The following ARHGAP15 variants were observed in gnomAD, a reference collection of about 807,000 sequenced individuals.
ARHGAP15 encodes the protein Rho GTPase activating protein 15.
A neutral mutation model predicts 63.7 loss-of-function variants in ARHGAP15; 51 were observed. That is an observed-to-expected ratio of 0.80 (90% confidence interval 0.64 to 1.01). ARHGAP15 has a LOEUF of 1.01. Among genes scored for constraint, ARHGAP15 ranks in the 50% least tolerant of loss-of-function variants. The probability of loss-of-function intolerance (pLI) is 0.00; values close to 1 mark genes in which losing one functional copy is unlikely to be tolerated. For synonymous variants in ARHGAP15, 191 were observed against 193.8 expected (o/e 0.99, Z 0.12); for missense variants, 560 against 564.6 (o/e 0.99, Z 0.08).
intron 12 of ARHGAP15, among the ~76,000 whole-genome samples, chr2:143,644,769 G>A (rs1339427488): frequency 3.3e-5 from 5 of 151,900 alleles, no homozygotes; most frequent in African/African-American, 4.8e-5. Context: ...GGATTCTCAC[G>A]TGAAAAATAT....
intron 5 of ARHGAP15, among the ~76,000 whole-genome samples, chr2:143,248,414 C>G (rs1694134154): frequency 6.6e-6 from 1 of 152,108 alleles, no homozygotes. Flanking sequence ...TAGCTTTTCC[C>G]AAATTCTTAC....
At chr2:143,653,262 T>G (rs1455271077) in intron 12 of ARHGAP15, among the ~76,000 whole-genome samples, 3 of 152,154 alleles carry the variant, frequency 2.0e-5, no homozygotes, top group Admixed American at 2.0e-4. Context: ...TGAGTTTCAT[T>G]AAAATTTTCT....
chr2:143,441,718 A>G (rs1328472428), intron 8 of ARHGAP15, among the ~76,000 whole-genome samples: 1 of 152,214 alleles, frequency 6.6e-6, no homozygotes, highest in Non-Finnish European at 1.5e-5. Flanking sequence ...ACACTTTAGT[A>G]TTGGAAATAA....
intron 6 of ARHGAP15, among the ~76,000 whole-genome samples, chr2:143,273,015 G>A (rs965483686): frequency 6.6e-6 from 1 of 151,706 alleles, no homozygotes; most frequent in Non-Finnish European, 1.5e-5. Flanking sequence ...ATGTTTTCAA[G>A]TACTTTCTTG....
At chr2:143,598,055 C>G (rs1197471140) in intron 11 of ARHGAP15, 1 of 152,176 alleles carries the variant, frequency 6.6e-6, no homozygotes, top group African/African-American at 2.4e-5. Flanking sequence ...CCCAAAGTCT[C>G]CACCTTCCAA....
rs564739902 is a variant in ARHGAP15 at position 143,655,010 on chromosome 2, C to T, written c.1138+30743C>T. ...TACTCCAGAGGCTGAGGTGGGAGGA[C>T]TCCTTGAGCCCAGGAGTTTGAGACC... is the stretch of plus-strand genomic sequence containing the variant. On this transcript the variant is annotated intron_variant, in intron 12 of 13. Coordinates refer to ENST00000295095, the MANE Select transcript of ARHGAP15 (RefSeq NM_018460.4). 2.0e-5 allele frequency among the ~76,000 whole-genome samples: 3 copies of T among 152,158 alleles called. No homozygotes were observed. In the East Asian group the frequency reaches 5.8e-4, roughly 29 times the overall value.
At chr2:143,466,801 T>C (rs1321683596) in intron 8 of ARHGAP15, among the ~76,000 whole-genome samples, 2 of 152,060 alleles carry the variant, frequency 1.3e-5, no homozygotes, top group Non-Finnish European at 2.9e-5. Context: ...CAAGACCATA[T>C]TTTGAGTAAA....
intron 13 of ARHGAP15, among the ~76,000 whole-genome samples, chr2:143,762,335 C>T (rs1427637868): frequency 6.6e-6 from 1 of 152,082 alleles, no homozygotes; most frequent in Non-Finnish European, 1.5e-5. Flanking sequence ...TGCCTTTTGG[C>T]CTTTGTTTTG....
At chr2:143,148,212 A>G (rs1434112021) in intron 1 of ARHGAP15, among the ~76,000 whole-genome samples, 1 of 151,906 alleles carries the variant, frequency 6.6e-6, no homozygotes, top group Non-Finnish European at 1.5e-5. Flanking sequence ...TGTTTATCAT[A>G]CAGCATCCAG....
chr2:143,350,297 G>A (rs1291789247), intron 6 of ARHGAP15, among the ~76,000 whole-genome samples: 1 of 151,904 alleles, frequency 6.6e-6, no homozygotes, highest in Non-Finnish European at 1.5e-5. Flanking sequence ...GAATGACCAG[G>A]GATTTTTATC....
chr2:143,588,645 CT>C (rs1697202820), intron 11 of ARHGAP15, among the ~76,000 whole-genome samples: 1 of 152,182 alleles, frequency 6.6e-6, no homozygotes, highest in African/African-American at 2.4e-5. Flanking sequence ...ATCCATGTCC[CT>C]GCAAAGAACG....
At chr2:143,435,816 T>C in intron 7 of ARHGAP15, 117 bp downstream of exon 7, 1 of 1,029,356 alleles carries the variant, frequency 9.7e-7, no homozygotes, top group Non-Finnish European at 1.3e-6. Flanking sequence ...TGAGAGGGAT[T>C]AAGTTCTTTT....
At position 143,235,280 on chromosome 2, in the gene ARHGAP15, G is replaced by C. The variant is rs115995548; in HGVS notation, c.384+6612G>C. Among the ~76,000 whole-genome samples, 1,303 of 149,700 alleles carry C rather than the reference G, an allele frequency of 8.7e-3. 25 individuals are homozygous for C. Among genetic ancestry groups the C allele is most frequent in the African/African-American group, 0.03 (1,233 of 40,722 alleles). On this transcript the variant is annotated intron_variant, in intron 5 of 13. Coordinates refer to ENST00000295095, the MANE Select transcript of ARHGAP15 (RefSeq NM_018460.4). ...TTTCCACTGAGATTTTGAAGAAGGC[G>C]AGCTCACATCTGTGAAAGATTTGAA...
chr2:143,269,133 C>A (rs759999103), intron 6 of ARHGAP15, among the ~76,000 whole-genome samples: 2 of 152,098 alleles, frequency 1.3e-5, no homozygotes, highest in African/African-American at 2.4e-5. Flanking sequence ...TTCAAATTCC[C>A]TAATTTATAT....
chr2:143,407,555 TGGG>T (rs1688251707), intron 6 of ARHGAP15, among the ~76,000 whole-genome samples: 1 of 151,758 alleles, frequency 6.6e-6, no homozygotes, highest in African/African-American at 2.4e-5. Context: ...CCAAATACCC[TGGG>T]ATGTTCTTCA....
chr2:143,495,707 TGAGTTAAGAG>T (rs1692786264), intron 9 of ARHGAP15, among the ~76,000 whole-genome samples: 3 of 76,988 alleles, frequency 3.9e-5, no homozygotes, highest in Admixed American at 1.2e-4. Flanking sequence ...GCAACATCAT[TGAGTTAAGAG>T]AAAAGTGTTT....
intron 8 of ARHGAP15, among the ~76,000 whole-genome samples, chr2:143,476,070 C>T (rs1416282918): frequency 6.6e-6 from 1 of 152,054 alleles, no homozygotes; most frequent in East Asian, 1.9e-4. Context: ...TTCAGGAATA[C>T]CCTGAGAATT....
At chr2:143,295,017 C>T (rs1455697062) in intron 6 of ARHGAP15, among the ~76,000 whole-genome samples, 1 of 151,996 alleles carries the variant, frequency 6.6e-6, no homozygotes, top group South Asian at 2.1e-4. Context: ...CAGGGTGATG[C>T]TAAAGGAAAT....
intron 12 of ARHGAP15, among the ~76,000 whole-genome samples, chr2:143,680,388 G>C (rs1218926498): frequency 6.6e-6 from 1 of 152,204 alleles, no homozygotes; most frequent in Non-Finnish European, 1.5e-5. Flanking sequence ...TATTTCCATA[G>C]ATACAAAATG....
Sources: gnomAD v4.1 joint callset for allele counts (sites outside exome capture counted in the v4.1 genomes callset) on GRCh38, gnomAD v4.1.1 for gene constraint, MANE v1.5 for transcripts, NCBI Gene and HGNC (gene_info 2026-07-23, HGNC 2026-07-21) for gene names.